The following SPAG16 variants were observed in gnomAD, a reference collection of about 807,000 sequenced individuals.
SPAG16 encodes the protein sperm associated antigen 16.
Under a neutral mutation model 80.4 loss-of-function variants are expected in SPAG16, and 86 were observed. The ratio of observed to expected loss-of-function variants is 1.07; its 90% CI spans 0.90 to 1.28. The LOEUF (loss-of-function observed/expected upper bound fraction) is 1.28, where lower values mean the gene tolerates loss of function less well. Among genes scored for constraint, SPAG16 ranks in the 50% most tolerant of loss-of-function variants. SPAG16 has a pLI of 0.00. For synonymous variants in SPAG16, 294 were observed against 265.9 expected (o/e 1.11, Z -1.03); for missense variants, 870 against 765.3 (o/e 1.14, Z -1.61).
chr2:213,396,787 C>T lies in SPAG16; in HGVS notation c.942+21668C>T, dbSNP rs147740481. On this transcript the variant is annotated intron_variant, in intron 9 of 15. Transcript: ENST00000331683. ...CTTGTTCTCCTCCAATCCTCCCTTT[C>T]GTCAACACCCATACCCTTTATCTGT... 6 of 376,856 alleles carry T rather than the reference C, an allele frequency of 1.6e-5. No homozygotes were observed. In the East Asian group the frequency reaches 2.4e-4, roughly 15 times the overall value. 23.3% of individuals were successfully genotyped at this position (376,856 alleles called of 1,614,324 possible). A position where few individuals can be genotyped will look rare whatever the true frequency, so the allele number is the denominator to read the frequency against.
intron 15 of SPAG16, among the ~76,000 whole-genome samples, chr2:214,356,862 A>G (rs893652812): frequency 3.7e-4 from 56 of 152,042 alleles, no homozygotes; most frequent in African/African-American, 1.2e-3. Context: ...GGTTGTCTCA[A>G]GTTTTCTTCT....
At chr2:213,514,407 C>A (rs1429442340) in intron 10 of SPAG16, among the ~76,000 whole-genome samples, 1 of 152,088 alleles carries the variant, frequency 6.6e-6, no homozygotes, top group Non-Finnish European at 1.5e-5. Flanking sequence ...GAGTTTACAT[C>A]ATTTAAAAAT....
At chr2:213,446,685 T>C (rs1362330979) in intron 9 of SPAG16, among the ~76,000 whole-genome samples, 2 of 152,238 alleles carry the variant, frequency 1.3e-5, no homozygotes, top group Non-Finnish European at 2.9e-5. Context: ...CTCCACTTAT[T>C]TGACCTCTCA....
At chr2:213,326,284 T>C (rs1263610651) in intron 5 of SPAG16, among the ~76,000 whole-genome samples, 1 of 151,954 alleles carries the variant, frequency 6.6e-6, no homozygotes, top group African/African-American at 2.4e-5. Flanking sequence ...ATTAAGGTGG[T>C]TTACTAAGGG....
In SPAG16 at chr2:213,457,593, A is replaced by T. The variant is rs1370341769; in HGVS notation, c.943-32370A>T. 3.9e-5 allele frequency among the ~76,000 whole-genome samples: 6 copies of T among 152,036 alleles called. No individual in the cohort carries two copies. The East Asian group carries it at 1.2e-3, about 29-fold the overall frequency. ...CATGGGTGTCCCTTTTCTTTTTTTT[A>T]AAACCCTTGTATTAAAATCTTTGTG... On this transcript the variant is annotated intron_variant, in intron 9 of 15. Transcript: ENST00000331683.
chr2:214,224,845 G>A (rs1231496349), intron 15 of SPAG16, among the ~76,000 whole-genome samples: 1 of 152,116 alleles, frequency 6.6e-6, no homozygotes, highest in Non-Finnish European at 1.5e-5. Context: ...AAACAGAGTA[G>A]AACTGTCCCT....
intron 8 of SPAG16, among the ~76,000 whole-genome samples, chr2:213,372,126 A>C (rs966011146): frequency 2.2e-4 from 30 of 139,060 alleles, no homozygotes; most frequent in African/African-American, 7.4e-4. Context: ...TTATGAGATA[A>C]ATTTTTTTTT....
chr2:213,419,501 G>T (rs1472408784), intron 9 of SPAG16, among the ~76,000 whole-genome samples: 2 of 152,048 alleles, frequency 1.3e-5, no homozygotes, highest in African/African-American at 2.4e-5. Context: ...CACATGCTGA[G>T]ATTTGTAGTA....
chr2:213,591,763 A>G (rs2124925042), intron 10 of SPAG16, among the ~76,000 whole-genome samples: 1 of 152,234 alleles, frequency 6.6e-6, no homozygotes, highest in South Asian at 2.1e-4. Flanking sequence ...AAACATGAGG[A>G]GTAAGGAGGA....
chr2:214,403,347 A>T (rs1701820507), intron 15 of SPAG16, among the ~76,000 whole-genome samples: 1 of 148,518 alleles, frequency 6.7e-6, no homozygotes, highest in Non-Finnish European at 1.5e-5. Context: ...ATTTATATTT[A>T]TATATGAGAT....
intron 11 of SPAG16, among the ~76,000 whole-genome samples, chr2:213,878,573 GT>G (rs2076228007): frequency 6.6e-6 from 1 of 151,988 alleles, no homozygotes; most frequent in Non-Finnish European, 1.5e-5. Context: ...CAGATACATA[GT>G]TTGCAAATAT....
At chr2:214,272,487 T>G (rs1692108741) in intron 15 of SPAG16, among the ~76,000 whole-genome samples, 1 of 152,054 alleles carries the variant, frequency 6.6e-6, no homozygotes, top group African/African-American at 2.4e-5. Context: ...GATGTTCCCC[T>G]GTGTCCAAGT....
chr2:214,104,114 T>TA (rs909276689), intron 13 of SPAG16, among the ~76,000 whole-genome samples: 3 of 151,974 alleles, frequency 2.0e-5, no homozygotes, highest in African/African-American at 7.3e-5. Context: ...TCCCCAGGGG[T>TA]CTCTATCTTT....
At chr2:213,763,221 G>T (rs2125527920) in intron 10 of SPAG16, among the ~76,000 whole-genome samples, 1 of 138,740 alleles carries the variant, frequency 7.2e-6, no homozygotes, top group Non-Finnish European at 1.6e-5. Context: ...ACTGTTTGGA[G>T]GTTCCTCAAA....
At position 213,297,127 on chromosome 2, in the gene SPAG16, T is replaced by C. The variant is rs1172710800; in HGVS notation, c.184-135T>C. On this transcript the variant is annotated intron_variant, in intron 2 of 15. Coordinates refer to ENST00000331683, the MANE Select transcript of SPAG16 (RefSeq NM_024532.5). ...GCAGTTATTCATTTTTCATGGATCT[T>C]CAGAATGACATGGTATTTTACATAA... 2.0e-6 allele frequency: 3 copies of C among 1,474,678 alleles called. No homozygotes were observed. The South Asian group carries it at 3.8e-5, about 19-fold the overall frequency. 91.3% of individuals were successfully genotyped at this position (1,474,678 alleles called of 1,614,324 possible). A position where few individuals can be genotyped will look rare whatever the true frequency, so the allele number is the denominator to read the frequency against.
At chr2:214,254,001 C>G (rs1690495389) in intron 15 of SPAG16, among the ~76,000 whole-genome samples, 1 of 152,080 alleles carries the variant, frequency 6.6e-6, no homozygotes, top group African/African-American at 2.4e-5. Flanking sequence ...TGTAGTTCTC[C>G]TTGAAGAGAT....
At chr2:214,094,295 A>G (rs938319543) in intron 13 of SPAG16, among the ~76,000 whole-genome samples, 4 of 152,132 alleles carry the variant, frequency 2.6e-5, no homozygotes, top group Admixed American at 1.3e-4. Flanking sequence ...CTGCATTTTA[A>G]TAAGATCTCC....
chr2:214,030,784 G>T (rs2048366973), intron 13 of SPAG16, among the ~76,000 whole-genome samples: 1 of 152,116 alleles, frequency 6.6e-6, no homozygotes, highest in South Asian at 2.1e-4. Context: ...TGCAATTCCT[G>T]GGTCCCTTAT....
At chr2:213,551,969 T>C (rs959524468) in intron 10 of SPAG16, among the ~76,000 whole-genome samples, 1 of 152,192 alleles carries the variant, frequency 6.6e-6, no homozygotes, top group Non-Finnish European at 1.5e-5. Flanking sequence ...TGCCATATTT[T>C]GCACTTGTCT....
Sources: gnomAD v4.1 joint callset for allele counts (sites outside exome capture counted in the v4.1 genomes callset) on GRCh38, gnomAD v4.1.1 for gene constraint, MANE v1.5 for transcripts, NCBI Gene and HGNC (gene_info 2026-07-23, HGNC 2026-07-21) for gene names.